FRMD3: variants seen among roughly 807,000 people sequenced by gnomAD.
The protein encoded by FRMD3 is FERM domain-containing protein 3.
In FRMD3, 33 loss-of-function variants were observed where a neutral mutation model predicts 70.2. The ratio of observed to expected loss-of-function variants is 0.47; its 90% CI spans 0.36 to 0.63. FRMD3 has a LOEUF of 0.63. Ranked by LOEUF, FRMD3 falls within the 20% of genes least tolerant of loss-of-function variation. The pLI, the probability that FRMD3 is intolerant of heterozygous loss-of-function variation, is 0.00. For synonymous variants in FRMD3, 279 were observed against 255.9 expected (o/e 1.09, Z -0.86); for missense variants, 632 against 711.4 (o/e 0.89, Z 1.27).
intron 1 of FRMD3, among the ~76,000 whole-genome samples, chr9:83,398,465 TAA>T (rs1304007921): frequency 6.6e-6 from 1 of 152,154 alleles, no homozygotes; most frequent in East Asian, 1.9e-4. Flanking sequence ...ACACAGAAAT[TAA>T]AAGTTTCTTT....
At chr9:83,352,225 C>A (rs936145003) in intron 3 of FRMD3, among the ~76,000 whole-genome samples, 1 of 152,130 alleles carries the variant, frequency 6.6e-6, no homozygotes, top group Non-Finnish European at 1.5e-5. Flanking sequence ...TGTAGACTCT[C>A]AAAAGTTGAA....
chr9:83,523,850 G>A (rs1829631660), intron 1 of FRMD3, among the ~76,000 whole-genome samples: 1 of 152,144 alleles, frequency 6.6e-6, no homozygotes, highest in African/African-American at 2.4e-5. Context: ...AAACTTGGAG[G>A]CAAAAGGTGT....
chr9:83,378,168 G>A (rs1825207353), intron 2 of FRMD3, among the ~76,000 whole-genome samples: 1 of 152,002 alleles, frequency 6.6e-6, no homozygotes. Flanking sequence ...GGCTCAATAA[G>A]CACTGGCTGT....
intron 13 of FRMD3, among the ~76,000 whole-genome samples, chr9:83,283,047 A>G (rs1834031281): frequency 6.6e-6 from 1 of 152,216 alleles, no homozygotes; most frequent in African/African-American, 2.4e-5. Context: ...AAGAAAAAGA[A>G]AAAACCCAGA....
upstream of FRMD3, among the ~76,000 whole-genome samples, chr9:83,539,743 T>C (rs963213097): frequency 1.3e-5 from 2 of 152,158 alleles, no homozygotes; most frequent in African/African-American, 4.8e-5. Flanking sequence ...TGATCACTAA[T>C]AAATACCACA....
intron 13 of FRMD3, among the ~76,000 whole-genome samples, chr9:83,272,836 C>T (rs1181363024): frequency 6.6e-6 from 1 of 151,654 alleles, no homozygotes; most frequent in Non-Finnish European, 1.5e-5. Flanking sequence ...GCCACGACCC[C>T]ATCTGGGAGG....
intron 1 of FRMD3, among the ~76,000 whole-genome samples, chr9:83,440,073 G>GT (rs1284800539): frequency 6.6e-6 from 1 of 152,206 alleles, no homozygotes; most frequent in Non-Finnish European, 1.5e-5. Context: ...TTGGGCATCA[G>GT]TAAGTTTGTT....
intron 1 of FRMD3, 27 bp from the exon 2 acceptor site, chr9:83,389,735 A>C: frequency 2.6e-6 from 4 of 1,526,292 alleles, no homozygotes; most frequent in Non-Finnish European, 3.6e-6. Flanking sequence ...TTTAAGTCTC[A>C]GCCAGAGCTC....
intron 5 of FRMD3, among the ~76,000 whole-genome samples, chr9:83,339,813 A>T (rs1823697002): frequency 6.6e-6 from 1 of 152,200 alleles, no homozygotes; most frequent in Admixed American, 6.5e-5. Flanking sequence ...AAGTATTTGG[A>T]GAACACATGA....
chr9:83,446,593 G>A (rs924949324), intron 1 of FRMD3, among the ~76,000 whole-genome samples: 2 of 146,168 alleles, frequency 1.4e-5, no homozygotes, highest in Admixed American at 6.9e-5. Context: ...CTTGCAGTGA[G>A]CCGAGATCGC....
In FRMD3 at chr9:83,526,930, C is replaced by T. The variant is rs1011523201; in HGVS notation, c.147+11155G>A. Among the ~76,000 whole-genome samples, 5 of 151,054 alleles carry T rather than the reference C, an allele frequency of 3.3e-5. No homozygotes were observed. In the East Asian group the frequency reaches 9.7e-4, roughly 29 times the overall value. ...GTGGTCCCCTCCTTTCCATCCTGCA[C>T]CTTCGGGGAGAATCAACAAAGCAAA... On this transcript the variant is annotated intron_variant, in intron 1 of 13. Transcript: ENST00000304195.
chr9:83,463,082 C>A (rs986382653), intron 1 of FRMD3, among the ~76,000 whole-genome samples: 1 of 152,112 alleles, frequency 6.6e-6, no homozygotes, highest in Non-Finnish European at 1.5e-5. Context: ...TCTGGGGATT[C>A]TCTGATAGCA....
chr9:83,514,851 A>G (rs1829420131), intron 1 of FRMD3, among the ~76,000 whole-genome samples: 1 of 152,268 alleles, frequency 6.6e-6, no homozygotes, highest in South Asian at 2.1e-4. Flanking sequence ...AACAAACTCC[A>G]GCAGACCTGC....
At chr9:83,511,493 G>A (rs762084614) in intron 1 of FRMD3, among the ~76,000 whole-genome samples, 19 of 152,002 alleles carry the variant, frequency 1.2e-4, no homozygotes, top group Admixed American at 3.9e-4. Flanking sequence ...TGGCTCTCAG[G>A]TATTTTGCAA....
At chr9:83,523,376 T>G (rs751668112) in intron 1 of FRMD3, among the ~76,000 whole-genome samples, 7 of 152,198 alleles carry the variant, frequency 4.6e-5, no homozygotes, top group Non-Finnish European at 8.8e-5. Context: ...CAGCTCTGTC[T>G]TCAGACTAGA....
intron 1 of FRMD3, among the ~76,000 whole-genome samples, chr9:83,396,348 C>A (rs1030509266): frequency 2.0e-5 from 3 of 152,220 alleles, no homozygotes; most frequent in Non-Finnish European, 4.4e-5. Context: ...TTATAATAGA[C>A]TTCATTGGTT....
At chr9:83,351,905 G>A (rs11140040) in intron 3 of FRMD3, among the ~76,000 whole-genome samples, 42,461 of 152,030 alleles carry the variant, frequency 0.28, 6,732 homozygotes, top group Non-Finnish European at 0.35. Context: ...CAACATGATT[G>A]TATTATATAT....
chr9:83,291,558 A>T (rs1587686093), intron 12 of FRMD3, among the ~76,000 whole-genome samples: 4 of 151,480 alleles, frequency 2.6e-5, no homozygotes, highest in African/African-American at 9.7e-5. Flanking sequence ...GCTCCTCCCA[A>T]TGCACACAGT....
rs111637689 is a variant in FRMD3 at position 83,418,507 on chromosome 9, C to A, written c.148-28799G>T. Among the ~76,000 whole-genome samples, 5 of 152,140 alleles carry A rather than the reference C, an allele frequency of 3.3e-5. No individual in the cohort carries two copies. In the South Asian group the frequency reaches 6.3e-4, roughly 19 times the overall value. On this transcript the variant is annotated intron_variant, in intron 1 of 13. Transcript: ENST00000304195. ...GTTCAAAAGAAGATATGCAAACAGCCAGTAAACGTATGAAAAAAATGCTCA... is the reference window on the plus strand; with the variant it reads ...GTTCAAAAGAAGATATGCAAACAGCAAGTAAACGTATGAAAAAAATGCTCA...
Sources: gnomAD v4.1 joint callset for allele counts (sites outside exome capture counted in the v4.1 genomes callset) on GRCh38, gnomAD v4.1.1 for gene constraint, MANE v1.5 for transcripts, NCBI Gene and HGNC (gene_info 2026-07-23, HGNC 2026-07-21) for gene names.